The following SH3TC1 variants were observed in gnomAD, a reference collection of about 807,000 sequenced individuals.
SH3TC1 encodes SH3 domain and tetratricopeptide repeats 1, also known as SH3 domain and tetratricopeptide repeat-containing protein 1.
In SH3TC1, 135 loss-of-function variants were observed where a neutral mutation model predicts 117.3. That is an observed-to-expected ratio of 1.15 (90% CI 1.00 to 1.33). The LOEUF is 1.33. SH3TC1 is among the 40% of genes most tolerant of loss of function. The probability of loss-of-function intolerance (pLI) is 0.00; values close to 1 mark genes in which losing one functional copy is unlikely to be tolerated. For synonymous variants in SH3TC1, 898 were observed against 816.9 expected (o/e 1.10, Z -1.69); for missense variants, 2,092 against 1,794.3 (o/e 1.17, Z -3.00).
chr4:8,208,438 A>G (rs1718384898), intron 2 of SH3TC1, among the ~76,000 whole-genome samples: 2 of 147,154 alleles, frequency 1.4e-5, no homozygotes, highest in African/African-American at 5.0e-5. Flanking sequence ...TGTGATCTCG[A>G]CTCACTACAA....
At chr4:8,218,478 T>C (rs1719544407) in intron 8 of SH3TC1, 131 bp downstream of exon 8, 1 of 609,884 alleles carries the variant, frequency 1.6e-6, no homozygotes, top group Non-Finnish European at 2.7e-6. Flanking sequence ...AGAGTAATTG[T>C]GGTTTTTGTT....
intron 14 of SH3TC1, among the ~76,000 whole-genome samples, chr4:8,233,783 A>T (rs569345522): frequency 1.6e-4 from 23 of 146,584 alleles, no homozygotes; most frequent in African/African-American, 2.9e-4. Flanking sequence ...TCCATTATCC[A>T]TCCATTCACC....
intron 9 of SH3TC1, among the ~76,000 whole-genome samples, chr4:8,219,745 C>T (rs1578697898): frequency 6.6e-6 from 1 of 152,204 alleles, no homozygotes; most frequent in South Asian, 2.1e-4. Flanking sequence ...GCAGGGAGAG[C>T]GTTCCCTCGA....
Position 8,193,430 on chromosome 4 carries a change from A to G in SH3TC1, c.-57+11220A>G, listed in dbSNP as rs150044036. The stretch of plus-strand genomic sequence containing the variant: ...CACTTCACTGCCTGCCAGGAGCACA[A>G]TTGTTTGAGCTGGCCCTGACCCCTG... On this transcript the variant is annotated intron_variant, in intron 1 of 16. Coordinates refer to the SH3TC1 transcript ENST00000508641. 1.6e-3 allele frequency among the ~76,000 whole-genome samples: 247 copies of G among 152,104 alleles called. 1 individual carries two copies. Among genetic ancestry groups the G allele is most frequent in the African/African-American group, 5.6e-3 (233 of 41,486 alleles).
At position 8,228,637 on chromosome 4, in the gene SH3TC1, C is replaced by T. The variant is rs963624422; in HGVS notation, c.2943C>T (p.His981=). 23 of 1,499,244 alleles carry T rather than the reference C, an allele frequency of 1.5e-5. No homozygotes were observed. The highest frequency in any genetic ancestry group is 9.4e-5 in the South Asian group (7 of 74,254). The allele number at this position is 1,499,244 out of a possible 1,614,324, so 92.9% of individuals were successfully genotyped here. A position where few individuals can be genotyped will look rare whatever the true frequency, so the allele number is the denominator to read the frequency against. ...WALLVAVEMG[H]VESQLRAVQR... is the part of the protein sequence containing the mutation. ...TTCTGGTCGCCGTGGAGATGGGCCA[C>T]GTGGAGAGTGAGTGCCCCAGTTCCT... Residue 981 remains histidine, a synonymous_variant, in exon 12 of 18, where the codon CAC becomes CAT. Coordinates refer to ENST00000245105, the MANE Select transcript of SH3TC1 (RefSeq NM_018986.5).
At chr4:8,218,405 C>T (rs1485763881) in intron 8 of SH3TC1, 58 bp downstream of exon 8, 7 of 1,351,184 alleles carry the variant, frequency 5.2e-6, no homozygotes, top group Admixed American at 1.9e-5. Context: ...GGGAGCAGCA[C>T]CAACATTTTG....
Position 8,225,063 on chromosome 4 carries a change from T to A in SH3TC1, c.1244-112T>A. ...CACCCTGCAACATCTCAGCCCTCAATACCTGCACCCAGCAATGCTCTCACC... is the reference window on the plus strand; with the variant it reads ...CACCCTGCAACATCTCAGCCCTCAAAACCTGCACCCAGCAATGCTCTCACC... On this transcript the variant is annotated intron_variant, in intron 10 of 17. Coordinates refer to ENST00000245105, the MANE Select transcript of SH3TC1 (RefSeq NM_018986.5). The surrounding 1 kb of genome is among the most constrained non-coding windows in gnomAD (Gnocchi z 5.5). 1 of 1,306,800 alleles carries A rather than the reference T, an allele frequency of 7.7e-7. No homozygotes were observed. Among genetic ancestry groups the A allele is most frequent in the Non-Finnish European group, 1.1e-6 (1 of 925,128 alleles). 81.0% of individuals were successfully genotyped at this position (1,306,800 alleles called of 1,614,324 possible).
chr4:8,223,111 G>T, intron 10 of SH3TC1, 141 bp downstream of exon 10: 1 of 1,188,394 alleles, frequency 8.4e-7, no homozygotes, highest in Non-Finnish European at 1.1e-6. Context: ...CTGCCTCCAG[G>T]GCACATAGGG....
At chr4:8,213,522 G>C (rs996186988) in intron 4 of SH3TC1, among the ~76,000 whole-genome samples, 8 of 152,178 alleles carry the variant, frequency 5.3e-5, no homozygotes, top group Non-Finnish European at 1.5e-5. Context: ...GCATGATGTC[G>C]GGCACAGGTG....
upstream of SH3TC1, among the ~76,000 whole-genome samples, chr4:8,196,605 C>T (rs564742232): frequency 6.6e-6 from 1 of 152,284 alleles, no homozygotes; most frequent in South Asian, 2.1e-4. The surrounding 1 kb of genome is among the most constrained non-coding windows in gnomAD (Gnocchi z 4.6). Flanking sequence ...AGCAGTGGGA[C>T]CTTTGTCAAG....
In SH3TC1 at chr4:8,209,692, G is replaced by A. The variant is rs776169986; in HGVS notation, c.173-56G>A. 1 of 1,609,554 alleles carries A rather than the reference G, an allele frequency of 6.2e-7. No homozygotes were observed. The highest frequency in any genetic ancestry group is 8.5e-7 in the Non-Finnish European group (1 of 1,178,484). On this transcript the variant is annotated intron_variant, in intron 2 of 17. Coordinates refer to ENST00000245105, the MANE Select transcript of SH3TC1 (RefSeq NM_018986.5). The surrounding 1 kb of genome is among the most constrained non-coding windows in gnomAD (Gnocchi z 5.9). ...AGACCTGGAGCGTTTGGCGCCTTCA[G>A]AGGAGCCAGGCCTTTGCTTGGTCTC...
upstream of SH3TC1, among the ~76,000 whole-genome samples, chr4:8,197,679 G>T (rs1717603238): frequency 6.6e-6 from 1 of 152,142 alleles, no homozygotes; most frequent in Non-Finnish European, 1.5e-5. Context: ...GCCCCTAAGG[G>T]GCTTGGGCCT....
intron 1 of SH3TC1, among the ~76,000 whole-genome samples, chr4:8,191,999 A>ATTTATTTAT (rs1717432026): frequency 6.7e-6 from 1 of 148,726 alleles, no homozygotes; most frequent in African/African-American, 2.5e-5. Flanking sequence ...TTATTTATTT[A>ATTTATTTAT]TTATTTTTGA....
chr4:8,190,124 C>T lies in SH3TC1; in HGVS notation c.-57+7914C>T, dbSNP rs919392993. ...CGGCAGCACTGGCCGCAGGTGCCTG[C>T]GATCACCAGTGTGCTCCCCGTGACA... is the stretch of plus-strand genomic sequence containing the variant. On this transcript the variant is annotated intron_variant, in intron 1 of 16. Transcript: ENST00000508641. The surrounding 1 kb of genome is among the most constrained non-coding windows in gnomAD (Gnocchi z 4.7). Among the ~76,000 whole-genome samples, 2 of 152,192 alleles carry T rather than the reference C, an allele frequency of 1.3e-5. No homozygotes were observed. Among genetic ancestry groups the T allele is most frequent in the Non-Finnish European group, 1.5e-5 (1 of 68,022 alleles).
intron 1 of SH3TC1, among the ~76,000 whole-genome samples, chr4:8,194,016 C>T (rs1010350256): frequency 7.2e-5 from 11 of 152,308 alleles, no homozygotes; most frequent in African/African-American, 1.4e-4. Context: ...ACCACCCGTG[C>T]GGGAGGTAGA....
chr4:8,183,373 C>T lies in SH3TC1; in HGVS notation c.-57+1163C>T, dbSNP rs1190729591. On this transcript the variant is annotated intron_variant, in intron 1 of 16. Coordinates refer to the SH3TC1 transcript ENST00000508641. The surrounding 1 kb of genome is among the most constrained non-coding windows in gnomAD (Gnocchi z 5.4). ...TTCCTGGTGCTGTGGGAACAATGACCAGAAACCGGCCCTGCCCCACGCATC... is the reference window on the plus strand; with the variant it reads ...TTCCTGGTGCTGTGGGAACAATGACTAGAAACCGGCCCTGCCCCACGCATC... Among the ~76,000 whole-genome samples, 2 of 152,298 alleles carry T rather than the reference C, an allele frequency of 1.3e-5. No individual in the cohort carries two copies. The highest frequency in any genetic ancestry group is 2.9e-5 in the Non-Finnish European group (2 of 68,020).
At chr4:8,213,666 C>T (rs1718949633) in intron 4 of SH3TC1, among the ~76,000 whole-genome samples, 1 of 151,968 alleles carries the variant, frequency 6.6e-6, no homozygotes, top group South Asian at 2.1e-4. Flanking sequence ...GGGCGAACGA[C>T]GAAGAAGGAT....
intron 17 of SH3TC1, among the ~76,000 whole-genome samples, chr4:8,238,562 GA>G (rs1722029675): frequency 2.0e-5 from 3 of 152,150 alleles, no homozygotes; most frequent in Non-Finnish European, 4.4e-5. Context: ...GCAACCCTAA[GA>G]CCCCGCCCCG....
intron 17 of SH3TC1, among the ~76,000 whole-genome samples, chr4:8,237,989 A>C (rs1721976240): frequency 6.6e-6 from 1 of 152,206 alleles, no homozygotes; most frequent in Admixed American, 6.5e-5. Context: ...GAGTCTTGGC[A>C]GTCAAGTGTC....
Sources: allele counts gnomAD v4.1 joint callset (sites outside exome capture counted in the v4.1 genomes callset), GRCh38; gene constraint gnomAD v4.1.1; non-coding constraint Gnocchi (gnomAD v3.1); transcripts MANE v1.5; gene names NCBI Gene and HGNC (gene_info 2026-07-23, HGNC 2026-07-21).